Variants in MYO1F observed in about 807,000 individuals in gnomAD.
MYO1F encodes the protein myosin IF.
Under a neutral mutation model 146.6 loss-of-function variants are expected in MYO1F, and 60 were observed. The observed-to-expected ratio is 0.41, with a 90% CI of 0.33 to 0.51. MYO1F has a LOEUF of 0.51. Ranked by LOEUF, MYO1F falls within the 20% of genes least tolerant of loss-of-function variation. MYO1F has a pLI of 0.25. For synonymous variants in MYO1F, 602 were observed against 602.1 expected, an observed-to-expected ratio of 1.00 and a Z score of 0.00; for missense variants, 1,274 against 1,534.3, an observed-to-expected ratio of 0.83 and a Z score of 2.83.
intron 13 of MYO1F, 127 bp downstream of exon 13, chr19:8,545,523 G>C (rs1023920141): frequency 2.5e-6 from 2 of 806,704 alleles, no homozygotes; most frequent in East Asian, 4.9e-5. Flanking sequence ...TCTGTCGCTG[G>C]AAGTCCTGAG....
intron 13 of MYO1F, 178 bp downstream of exon 13, chr19:8,545,472 G>A (rs1362302006): frequency 2.9e-6 from 2 of 686,828 alleles, no homozygotes; most frequent in Non-Finnish European, 5.4e-6. Flanking sequence ...CAAGTAGGCG[G>A]AATGAATGGA....
At chr19:8,524,850 A>G (rs1280734671) in intron 25 of MYO1F, among the ~76,000 whole-genome samples, 1 of 152,146 alleles carries the variant, frequency 6.6e-6, no homozygotes, top group Non-Finnish European at 1.5e-5. Flanking sequence ...GAAGCAGAGA[A>G]AACGGCCCAA....
chr19:8,575,320 C>A (rs2042220246), intron 1 of MYO1F, among the ~76,000 whole-genome samples: 1 of 151,974 alleles, frequency 6.6e-6, no homozygotes, highest in Non-Finnish European at 1.5e-5. Context: ...CGTGATCTGC[C>A]CGCCTCGGCC....
At position 8,550,276 on chromosome 19, in the gene MYO1F, G is replaced by A. The variant is rs914841062; in HGVS notation, c.985C>T (p.Arg329Cys). ...ATGGACTCGCTGCGCCCGCCCCAGC[G>A]GCTGTCCATCTTGCGGCTGGTCAGC... ...EKLTSRKMDS[R>C]WGGRSESINV... is the part of the protein sequence containing the mutation. Residue 329 changes from arginine (R) to cysteine (C), a missense_variant, in exon 10 of 28, where the codon CGC becomes TGC. Around this residue, in one of 2 missense-constraint regions of MYO1F, gnomAD observed 900 missense variants for 1,155.1 expected, o/e 0.78. Transcript: ENST00000644032. The A allele has an allele frequency of 8.1e-6, 13 of 1,614,042 alleles. No individual in the cohort carries two copies. Among genetic ancestry groups the A allele is most frequent in the East Asian group, 2.2e-5 (1 of 44,886 alleles).
At chr19:8,541,671 T>C (rs1972977028) in intron 15 of MYO1F, 1 of 540,892 alleles carries the variant, frequency 1.8e-6, no homozygotes. Flanking sequence ...TCAAGAGATT[T>C]GTCCACTTCG....
At chr19:8,553,861 G>C (rs905715635) in intron 4 of MYO1F, among the ~76,000 whole-genome samples, 1 of 116,140 alleles carries the variant, frequency 8.6e-6, no homozygotes, top group Admixed American at 8.3e-5. Flanking sequence ...GACAGACTGA[G>C]ACTCTGTCAC....
intron 8 of MYO1F, 89 bp downstream of exon 8, chr19:8,551,651 T>C: frequency 6.3e-7 from 1 of 1,593,534 alleles, no homozygotes; most frequent in Non-Finnish European, 8.6e-7. Context: ...ATGCCTGGCC[T>C]GGGCTTCGGT....
At chr19:8,548,830 C>T (rs191158671) in intron 10 of MYO1F, among the ~76,000 whole-genome samples, 46 of 150,860 alleles carry the variant, frequency 3.0e-4, no homozygotes, top group East Asian at 7.9e-4. Flanking sequence ...CCTCGTGATC[C>T]GCCCGCCTCG....
chr19:8,537,215 G>A (rs958473551), intron 16 of MYO1F, among the ~76,000 whole-genome samples, 160 bp from the exon 17 acceptor site: 1 of 152,064 alleles, frequency 6.6e-6, no homozygotes, highest in African/African-American at 2.4e-5. Flanking sequence ...TGGTCTGTGT[G>A]CACCTCCACT....
At chr19:8,535,194 G>T (rs898616424) in intron 19 of MYO1F, among the ~76,000 whole-genome samples, 2 of 152,182 alleles carry the variant, frequency 1.3e-5, no homozygotes, top group Admixed American at 6.6e-5. Context: ...TTACAGGTGT[G>T]AGCCAGTGCG....
Position 8,547,930 on chromosome 19 carries a change from G to A in MYO1F, c.1269+106C>T, listed in dbSNP as rs747891922. 1.2e-4 allele frequency: 130 copies of A among 1,075,570 alleles called. 1 individual carries two copies. The highest frequency in any genetic ancestry group is 5.5e-4 in the Admixed American group (29 of 52,868). 66.6% of individuals were successfully genotyped at this position (1,075,570 alleles called of 1,614,324 possible). The stretch of plus-strand genomic sequence containing the variant: ...TAGGTTGGCACAGAGAGGTGGGAAC[G>A]CGGTGGGGAGGGCTGGGGTGTCCCC... On this transcript the variant is annotated intron_variant, in intron 12 of 27. Coordinates refer to ENST00000644032, the MANE Select transcript of MYO1F (RefSeq NM_012335.4).
intron 10 of MYO1F, chr19:8,549,722 C>T (rs1385538101): frequency 5.1e-6 from 1 of 194,310 alleles, no homozygotes; most frequent in Non-Finnish European, 1.1e-5. Flanking sequence ...CCAGGCTGGT[C>T]TCAAACTCCA....
chr19:8,571,683 T>C (rs1485934996), intron 1 of MYO1F, among the ~76,000 whole-genome samples: 4 of 151,622 alleles, frequency 2.6e-5, no homozygotes, highest in South Asian at 4.2e-4. Context: ...CTGCAAGCTC[T>C]GCCTCCCGAG....
At chr19:8,522,105 C>T (rs1972081471) in intron 27 of MYO1F, among the ~76,000 whole-genome samples, 1 of 151,452 alleles carries the variant, frequency 6.6e-6, no homozygotes, top group Non-Finnish European at 1.5e-5. Context: ...TCACTGCAAG[C>T]TCCGCCTCCC....
rs1300450605 is a variant in MYO1F, at chr19:8,530,385, A to G, written c.2159-20T>C. 1.2e-6 allele frequency: 2 copies of G among 1,614,018 alleles called. No individual in the cohort carries two copies. The highest frequency in any genetic ancestry group is 4.5e-5 in the East Asian group (2 of 44,886). ...TGGAAGCTGCGGGGACAGAGGGTGG[A>G]GGGCAGAGCTCCTGATACAGCTCCT... On this transcript the variant is annotated intron_variant, in intron 20 of 27. Coordinates refer to ENST00000644032, the MANE Select transcript of MYO1F (RefSeq NM_012335.4). This position sits in a 1 kb window ranked among gnomAD's most constrained non-coding sequence, Gnocchi z 5.8.
At chr19:8,566,161 C>CTT (rs781059040) in intron 1 of MYO1F, among the ~76,000 whole-genome samples, 1,037 of 78,272 alleles carry the variant, frequency 0.013, 4 homozygotes, top group Non-Finnish European at 0.016. Context: ...CAGTCTATGT[C>CTT]TTTTTTTTTT....
At chr19:8,562,669 G>C (rs1392336167) in intron 1 of MYO1F, among the ~76,000 whole-genome samples, 2 of 151,800 alleles carry the variant, frequency 1.3e-5, no homozygotes, top group African/African-American at 2.4e-5. Context: ...TGAGTAGCTG[G>C]GACCACAGGC....
chr19:8,533,980 A>G (rs59119488), intron 19 of MYO1F, among the ~76,000 whole-genome samples: 10,489 of 151,934 alleles, frequency 0.069, 843 homozygotes, highest in African/African-American at 0.17. Context: ...AGGTCAGGAG[A>G]CCAGCCTGGC....
intron 16 of MYO1F, among the ~76,000 whole-genome samples, chr19:8,537,742 T>A (rs894150269): frequency 2.0e-5 from 3 of 152,088 alleles, no homozygotes; most frequent in Non-Finnish European, 4.4e-5. Context: ...CTGGGTGATT[T>A]TTTTTGAGAC....
Sources: gnomAD v4.1 joint callset for allele counts (sites outside exome capture counted in the v4.1 genomes callset) on GRCh38, gnomAD v4.1.1 for gene constraint, gnomAD v4.1.1 regional missense constraint, Gnocchi (gnomAD v3.1) non-coding constraint, MANE v1.5 for transcripts, NCBI Gene and HGNC (gene_info 2026-07-23, HGNC 2026-07-21) for gene names.